LRRC74B: variants seen among roughly 807,000 people sequenced by gnomAD.
LRRC74B encodes leucine rich repeat containing 74B.
LRRC74B carries 30 observed loss-of-function variants against 16.6 expected under a neutral mutation model. The ratio of observed to expected loss-of-function variants is 1.80; its 90% CI spans 1.35 to 2.45. The LOEUF (loss-of-function observed/expected upper bound fraction) is 2.45. Ranked by LOEUF, LRRC74B falls within the 30% of genes most tolerant of loss-of-function variation. LRRC74B has a pLI of 0.00. For missense variants in LRRC74B, 326 were observed against 202.4 expected (o/e 1.61, Z -3.71); for synonymous variants, 134 against 86.0 (o/e 1.56, Z -3.09).
chr22:21,052,435 G>T lies in LRRC74B; in HGVS notation c.732+77G>T, dbSNP rs987990057. The T allele has an allele frequency of 1.4e-4, 97 of 704,038 alleles. 1 individual carries two copies. Among genetic ancestry groups the T allele is most frequent in the Non-Finnish European group, 2.4e-4 (91 of 378,818 alleles). 43.6% of individuals were successfully genotyped at this position (704,038 alleles called of 1,614,324 possible). ...TCCCAGGGGCCACCTCCCTGTCTCT[G>T]CAGCTCCTCGGAAATGAACCTTGGA... On this transcript the variant is annotated intron_variant, in intron 5 of 8. Coordinates refer to ENST00000442047, the Ensembl canonical transcript of LRRC74B.
Position 21,050,727 on chromosome 22 carries a change from G to A in LRRC74B, c.623-1522G>A, listed in dbSNP as rs185729358. Among the ~76,000 whole-genome samples the A allele has an allele frequency of 1.4e-4, 20 of 147,204 alleles. No individual in the cohort carries two copies. The East Asian group carries it at 3.1e-3, about 23-fold the overall frequency. ...CAGGAGGCGGAGCTTGCAGTGAGCC[G>A]AGATAGCACCACTGCAGTCCGGCCT... is the stretch of plus-strand genomic sequence containing the variant. On this transcript the variant is annotated intron_variant, in intron 4 of 8. Transcript: ENST00000442047.
exon 4 of LRRC74B, chr22:21,049,147 T>C: frequency 1.4e-6 from 1 of 716,262 alleles, no homozygotes; most frequent in Non-Finnish European, 2.6e-6. Flanking sequence ...ACCAGCTGAA[T>C]GACCAAGCAG....
At chr22:21,062,476 AG>A (rs1206907639), downstream of LRRC74B, 7 of 152,302 alleles carry the variant, frequency 4.6e-5, no homozygotes, top group African/African-American at 1.2e-4. Flanking sequence ...GCACTTTGGG[AG>A]GCCGAGGCGG....
At position 21,050,866 on chromosome 22, in the gene LRRC74B, G is replaced by A. The variant is rs571073944; in HGVS notation, c.623-1383G>A. On this transcript the variant is annotated intron_variant, in intron 4 of 8. Coordinates refer to ENST00000442047, the Ensembl canonical transcript of LRRC74B. ...ACACCACTTCGGGAGGCTGAGGGGC[G>A]AAGATTGCTTGAGGCCAGGAGTTAG... Among the ~76,000 whole-genome samples the A allele has an allele frequency of 7.3e-5, 11 of 151,060 alleles. No homozygotes were observed. In the East Asian group the frequency reaches 9.8e-4, roughly 13 times the overall value.
intron 2 of LRRC74B, 30 bp from the exon 3 acceptor site, chr22:21,047,854 T>C (rs779058751): frequency 2.8e-6 from 2 of 715,906 alleles, no homozygotes; most frequent in African/African-American, 1.7e-5. Flanking sequence ...GCCAGGATAG[T>C]GGCCAGTGTG....
intron 4 of LRRC74B, among the ~76,000 whole-genome samples, chr22:21,049,809 G>C (rs752701443): frequency 7.2e-5 from 11 of 152,068 alleles, no homozygotes; most frequent in Non-Finnish European, 1.3e-4. Context: ...GATGTGATTG[G>C]GATTCCTTGA....
chr22:21,053,222 C>G (rs904495037), intron 5 of LRRC74B, 138 bp from the exon 6 acceptor site: 9 of 598,254 alleles, frequency 1.5e-5, no homozygotes, highest in Non-Finnish European at 2.4e-5. Context: ...ACTTTCCTGA[C>G]CCTTCCTTGG....
chr22:21,058,819 A>G (rs1290384264), intron 8 of LRRC74B, among the ~76,000 whole-genome samples: 7 of 152,236 alleles, frequency 4.6e-5, no homozygotes, highest in African/African-American at 1.4e-4. Context: ...GTCACAATGT[A>G]TGGTCATTAT....
At chr22:21,058,127 C>G (rs993420821) in intron 8 of LRRC74B, among the ~76,000 whole-genome samples, 4 of 151,342 alleles carry the variant, frequency 2.6e-5, no homozygotes, top group African/African-American at 9.7e-5. Flanking sequence ...TCTCGAACTC[C>G]TGACCTCAGG....
At chr22:21,047,372 A>C (rs1335864589) in exon 2 of LRRC74B, 1 of 717,194 alleles carries the variant, frequency 1.4e-6, no homozygotes, top group Admixed American at 2.0e-5. Flanking sequence ...ATGGGCTTGG[A>C]GAACTGGTCA....
At chr22:21,047,001 G>A (rs1169034332) in intron 1 of LRRC74B, among the ~76,000 whole-genome samples, 1 of 151,720 alleles carries the variant, frequency 6.6e-6, no homozygotes, top group African/African-American at 2.4e-5. Flanking sequence ...GCTGAGGCAG[G>A]AGAATTGCTT....
At chr22:21,057,840 C>T (rs1440821700) in intron 8 of LRRC74B, among the ~76,000 whole-genome samples, 1 of 146,694 alleles carries the variant, frequency 6.8e-6, no homozygotes, top group Non-Finnish European at 1.5e-5. Context: ...AACTTCTGAC[C>T]TCAAGTGATC....
intron 4 of LRRC74B, among the ~76,000 whole-genome samples, chr22:21,050,423 G>A (rs1397751842): frequency 6.6e-6 from 1 of 152,044 alleles, no homozygotes; most frequent in African/African-American, 2.4e-5. Flanking sequence ...AATTGCCTCT[G>A]GCATATAACT....
chr22:21,058,369 G>A (rs906477510), intron 8 of LRRC74B, among the ~76,000 whole-genome samples: 2 of 152,008 alleles, frequency 1.3e-5, no homozygotes, highest in African/African-American at 2.4e-5. Context: ...TAAAAAATTA[G>A]CCAGGCATGT....
intron 1 of LRRC74B, 21 bp from the exon 2 acceptor site, chr22:21,047,335 C>T (rs186937300): frequency 1.4e-5 from 10 of 715,550 alleles, no homozygotes; most frequent in African/African-American, 5.2e-5. Context: ...GGTCCACATT[C>T]GTCCCCCTGT....
At chr22:21,048,707 T>A (rs955363230) in intron 3 of LRRC74B, 14 of 528,780 alleles carry the variant, frequency 2.6e-5, no homozygotes, top group Non-Finnish European at 3.1e-5. Context: ...CACAGCAGTC[T>A]CTACAGTACC....
intron 3 of LRRC74B, chr22:21,048,289 G>A (rs1258971757): frequency 4.4e-6 from 2 of 453,234 alleles, no homozygotes; most frequent in Non-Finnish European, 8.2e-6. Flanking sequence ...GCACATGGGA[G>A]ACTCCCAGTA....
intron 3 of LRRC74B, chr22:21,048,349 G>A (rs1929667405): frequency 3.1e-6 from 1 of 318,004 alleles, no homozygotes; most frequent in East Asian, 6.9e-5. Context: ...TGGGAGTTGG[G>A]CATTGTAAGA....
downstream of LRRC74B, chr22:21,062,674 C>T (rs1930863377): frequency 7.4e-6 from 1 of 135,832 alleles, no homozygotes; most frequent in Non-Finnish European, 1.5e-5. Context: ...GCTCACTTCA[C>T]TGCACTCCAG....
Sources: allele counts gnomAD v4.1 joint callset (sites outside exome capture counted in the v4.1 genomes callset), GRCh38; gene constraint gnomAD v4.1.1; transcripts MANE v1.5; gene names NCBI Gene and HGNC (gene_info 2026-07-23, HGNC 2026-07-21).